MYO1C: variants seen among roughly 807,000 people sequenced by gnomAD.
The protein encoded by MYO1C is myosin IC, also known as unconventional myosin-Ic.
Under a neutral mutation model 150.8 loss-of-function variants are expected in MYO1C, and 104 were observed. That is an observed-to-expected ratio of 0.69 (90% CI 0.59 to 0.81). MYO1C has a LOEUF of 0.81. MYO1C is among the 30% of genes least tolerant of loss of function. The pLI is 0.00. For synonymous variants in MYO1C, 663 were observed against 579.9 expected (o/e 1.14, Z -2.06); for missense variants, 1,504 against 1,435.0 (o/e 1.05, Z -0.78).
chr17:1,467,949 A>G (rs1410569311), intron 28 of MYO1C, 39 bp from the exon 29 acceptor site: 2 of 1,612,658 alleles, frequency 1.2e-6, no homozygotes, highest in East Asian at 2.2e-5. Context: ...CGAGGGTCAG[A>G]GCAGGGCCCT....
intron 29 of MYO1C, 52 bp from the exon 30 acceptor site, chr17:1,467,629 C>G: frequency 1.9e-6 from 3 of 1,546,254 alleles, no homozygotes; most frequent in Middle Eastern, 2.0e-4. Flanking sequence ...ACTTGAGGAA[C>G]CCCCGCCCCA....
chr17:1,475,665 G>A (rs1306468348), intron 14 of MYO1C, among the ~76,000 whole-genome samples: 1 of 152,238 alleles, frequency 6.6e-6, no homozygotes, highest in Non-Finnish European at 1.5e-5. Flanking sequence ...CCCCAAGAGA[G>A]CACTTAAGTC....
chr17:1,469,189 A>C (rs755343969), intron 25 of MYO1C: 5 of 381,130 alleles, frequency 1.3e-5, no homozygotes, highest in Admixed American at 3.7e-5. Context: ...TAAATACGGT[A>C]GGCGGGGTAA....
Position 1,477,921 on chromosome 17 carries a change from C to G in MYO1C, c.1452G>C (p.Glu484Asp). The G allele has an allele frequency of 6.2e-7, 1 of 1,614,194 alleles. No individual in the cohort carries two copies. The highest frequency in any genetic ancestry group is 8.5e-7 in the Non-Finnish European group (1 of 1,180,026). Residue 484 changes from glutamate (E) to aspartate (D), a missense_variant, in exon 13 of 32, where the codon GAG becomes GAC. Physicochemically the swap from Glu to Asp is conservative, Grantham distance 45 (BLOSUM62 2). Transcript: ENST00000648651. ...TCGAGATGATGCCCTTAAACTTCTC[C>G]TCCACCAGATCACAGATGATTTTGT... Reference protein sequence around the residue: ...FNNKIICDLVEEKFKGIISIL... With the variant: ...FNNKIICDLVDEKFKGIISIL...
intron 17 of MYO1C, among the ~76,000 whole-genome samples, chr17:1,474,225 G>A (rs1406476866): frequency 6.6e-6 from 1 of 152,062 alleles, no homozygotes; most frequent in Non-Finnish European, 1.5e-5. Context: ...TCAGGAGTTT[G>A]AGACCAGCCA....
Position 1,467,489 on chromosome 17 carries a change from T to G in MYO1C, c.3056A>C (p.Asn1019Thr), listed in dbSNP as rs749431920. The G allele has an allele frequency of 5.6e-5, 90 of 1,612,582 alleles. No individual in the cohort carries two copies. In the Admixed American group the frequency reaches 1.5e-3, roughly 27 times the overall value. ...SANRVNSINI[N>T]QGSITFAGGP... ...GCCGCCCGCGCCTCACCTGCCCTGG[T>G]TGATGTTGATGCTGTTCACGCGGTT... The change falls in exon 30 of 32, where the codon AAC becomes ACC. Residue 1019 changes from asparagine (N) to threonine (T), a missense_variant. Coordinates refer to ENST00000648651, the MANE Select transcript of MYO1C (RefSeq NM_001080779.2).
intron 25 of MYO1C, 84 bp downstream of exon 25, chr17:1,469,447 C>CGGTAAATACGGTAGACCGGGGTAAATGA (rs1555519658): frequency 1.6e-6 from 2 of 1,280,930 alleles, no homozygotes; most frequent in Non-Finnish European, 2.2e-6. Context: ...GGGGTAAATG[C>CGGTAAATACGGTAGACCGGGGTAAATGA]CCCTCCAGGC....
rs761204953 is a variant in MYO1C, at chr17:1,477,927, C to T, written c.1446G>A (p.Leu482=). ...TGATGCCCTTAAACTTCTCCTCCAC[C>T]AGATCACAGATGATTTTGTTGTTGA... is the stretch of plus-strand genomic sequence containing the variant. ...QYFNNKIICD[L]VEEKFKGIIS... The change falls in exon 13 of 32, where the codon CTG becomes CTA. Residue 482 remains leucine (L), a synonymous_variant. Coordinates refer to ENST00000648651, the MANE Select transcript of MYO1C (RefSeq NM_001080779.2). The T allele has an allele frequency of 3.0e-5, 49 of 1,614,092 alleles. No homozygotes were observed. The East Asian group carries it at 1.1e-3, about 35-fold the overall frequency.
intron 31 of MYO1C, 112 bp downstream of exon 31, chr17:1,467,130 G>A: frequency 1.0e-6 from 1 of 996,628 alleles, no homozygotes; most frequent in Non-Finnish European, 1.5e-6. Context: ...GAGGTGGTAT[G>A]ATGGCCTCTG....
At chr17:1,477,693 G>A in intron 13 of MYO1C, 97 bp from the exon 14 acceptor site, 2 of 1,081,584 alleles carry the variant, frequency 1.8e-6, no homozygotes, top group Non-Finnish European at 2.8e-6. Flanking sequence ...ACACAGGGGA[G>A]GGGCAGATCA....
At chr17:1,491,342 G>C (rs1244285809) in intron 1 of MYO1C, 1 of 153,050 alleles carries the variant, frequency 6.5e-6, no homozygotes, top group South Asian at 2.1e-4. Context: ...CGAAGGGCGC[G>C]CAGGGTCCTG....
At chr17:1,467,634 G>GC in intron 29 of MYO1C, 57 bp from the exon 30 acceptor site, 14 of 936,486 alleles carry the variant, frequency 1.5e-5, no homozygotes, top group South Asian at 8.3e-5. Context: ...AGGAACCCCC[G>GC]CCCCACCTCC....
intron 1 of MYO1C, chr17:1,485,466 G>T: frequency 1.5e-6 from 1 of 677,032 alleles, no homozygotes; most frequent in Admixed American, 5.4e-5. Context: ...CCTCGGGTCA[G>T]GGGTCTCCGC....
intron 14 of MYO1C, among the ~76,000 whole-genome samples, chr17:1,475,288 G>A (rs2150946651): frequency 6.6e-6 from 1 of 152,296 alleles, no homozygotes; most frequent in East Asian, 1.9e-4. Flanking sequence ...GCGTGGTGGT[G>A]GGCGCCTGTA....
rs2074442014 is a variant in MYO1C, at chr17:1,478,287, G to A, written c.1296-95C>T. On this transcript the variant is annotated intron_variant, in intron 11 of 31. Transcript: ENST00000648651. This position sits in a 1 kb window ranked among gnomAD's most constrained non-coding sequence, Gnocchi z 6.3. Reference sequence around the variant, plus strand: ...CGACGCCCCTGAGCACAGGAGGTGAGAAACACAGAGACAGTCCCCGGCTGG... The same window carrying A: ...CGACGCCCCTGAGCACAGGAGGTGAAAAACACAGAGACAGTCCCCGGCTGG... The A allele has an allele frequency of 3.2e-6, 5 of 1,554,902 alleles. No individual in the cohort carries two copies. In the Admixed American group the frequency reaches 6.7e-5, roughly 21 times the overall value.
chr17:1,481,961 C>T (rs184745397), intron 5 of MYO1C, among the ~76,000 whole-genome samples: 18 of 152,286 alleles, frequency 1.2e-4, no homozygotes, highest in Admixed American at 9.8e-4. Context: ...CCAGCACCCT[C>T]GTATCTCAGG....
chr17:1,482,313 C>T (rs979852101), intron 5 of MYO1C, among the ~76,000 whole-genome samples, 165 bp downstream of exon 5: 3 of 152,146 alleles, frequency 2.0e-5, no homozygotes, highest in South Asian at 2.1e-4. Flanking sequence ...GCCACGGCCT[C>T]AATTTCCCTG....
chr17:1,472,789 C>A (rs2074330588), intron 17 of MYO1C, among the ~76,000 whole-genome samples: 1 of 149,468 alleles, frequency 6.7e-6, no homozygotes, highest in Non-Finnish European at 1.5e-5. Flanking sequence ...CTCTGCTGAG[C>A]TTTAAAGGAT....
intron 17 of MYO1C, among the ~76,000 whole-genome samples, chr17:1,472,612 G>C (rs1420758020): frequency 6.6e-6 from 1 of 152,230 alleles, no homozygotes; most frequent in East Asian, 1.9e-4. Context: ...GCGGGACCTG[G>C]AAGGATCTCA....
Sources: allele counts gnomAD v4.1 joint callset (sites outside exome capture counted in the v4.1 genomes callset), GRCh38; gene constraint gnomAD v4.1.1; non-coding constraint Gnocchi (gnomAD v3.1); transcripts MANE v1.5; gene names NCBI Gene and HGNC (gene_info 2026-07-23, HGNC 2026-07-21).